The following PARD3B variants were observed in gnomAD, a reference collection of about 807,000 sequenced individuals.
The protein encoded by PARD3B is par-3 family cell polarity regulator beta, also known as partitioning defective 3 homolog B.
A neutral mutation model predicts 130.2 loss-of-function variants in PARD3B; 103 were observed. The ratio of observed to expected loss-of-function variants is 0.79; its 90% CI spans 0.67 to 0.93. The LOEUF is 0.93. PARD3B is among the 40% of genes least tolerant of loss of function. The probability of loss-of-function intolerance (pLI) is 0.00; values close to 1 mark genes in which losing one functional copy is unlikely to be tolerated. For synonymous variants in PARD3B, 583 were observed against 553.2 expected (o/e 1.05, Z -0.76); for missense variants, 1,609 against 1,499.2 (o/e 1.07, Z -1.21).
chr2:205,104,709 A>G (rs1042550371), intron 5 of PARD3B, among the ~76,000 whole-genome samples, 195 bp downstream of exon 5: 1 of 152,170 alleles, frequency 6.6e-6, no homozygotes, highest in African/African-American at 2.4e-5. Flanking sequence ...TGACAAACAT[A>G]TATACAAATG....
In PARD3B at chr2:205,352,412, A is replaced by G. The variant is rs1357880206; in HGVS notation, c.2631-48601A>G. ...GGTAACTAGTGACCTTGAAGGACTCAATTTTTAAGATAATTAACTTCACAG... is the reference window on the plus strand; with the variant it reads ...GGTAACTAGTGACCTTGAAGGACTCGATTTTTAAGATAATTAACTTCACAG... On this transcript the variant is annotated intron_variant, in intron 18 of 22. Coordinates refer to ENST00000406610, the MANE Select transcript of PARD3B (RefSeq NM_001302769.2). The surrounding 1 kb of genome is among the most constrained non-coding windows in gnomAD (Gnocchi z 5.2). 6.6e-6 allele frequency among the ~76,000 whole-genome samples: 1 copy of G among 152,172 alleles called. No homozygotes were observed. Among genetic ancestry groups the G allele is most frequent in the East Asian group, 1.9e-4 (1 of 5,194 alleles).
chr2:205,396,419 A>G (rs849229), intron 18 of PARD3B, among the ~76,000 whole-genome samples: 18,849 of 152,240 alleles, frequency 0.12, 1,260 homozygotes, highest in Middle Eastern at 0.17. Flanking sequence ...ATTTTTTGAA[A>G]GAGAGCGAGT....
chr2:205,542,873 G>T (rs1396665566), intron 21 of PARD3B, among the ~76,000 whole-genome samples: 1 of 152,156 alleles, frequency 6.6e-6, no homozygotes, highest in Non-Finnish European at 1.5e-5. Flanking sequence ...AATATGAAAA[G>T]CCAGGACTGT....
At chr2:204,590,607 C>G (rs555756741) in intron 1 of PARD3B, among the ~76,000 whole-genome samples, 3 of 152,148 alleles carry the variant, frequency 2.0e-5, no homozygotes, top group Non-Finnish European at 4.4e-5. Flanking sequence ...AGAAGGACCT[C>G]TTTGTCTTGT....
chr2:205,016,528 A>G (rs538871774), intron 3 of PARD3B, among the ~76,000 whole-genome samples: 50 of 152,308 alleles, frequency 3.3e-4, no homozygotes, highest in Middle Eastern at 3.4e-3. Flanking sequence ...TACCCATAGG[A>G]TCATTTCTTT....
At chr2:204,574,173 A>T (rs2032140856) in intron 1 of PARD3B, among the ~76,000 whole-genome samples, 1 of 152,046 alleles carries the variant, frequency 6.6e-6, no homozygotes, top group Non-Finnish European at 1.5e-5. Context: ...CTGTTTAAGA[A>T]CCATGATATC....
chr2:205,001,728 G>T (rs1398217235), intron 3 of PARD3B, among the ~76,000 whole-genome samples: 2 of 152,206 alleles, frequency 1.3e-5, no homozygotes, highest in Admixed American at 1.3e-4. Flanking sequence ...CATGTGCCAG[G>T]TGGCAGAAAA....
At chr2:204,933,253 A>G (rs980468561) in intron 2 of PARD3B, among the ~76,000 whole-genome samples, 28 of 152,316 alleles carry the variant, frequency 1.8e-4, no homozygotes, top group Admixed American at 8.5e-4. Context: ...AGAAACTCTC[A>G]AGGAAGAGTA....
At position 205,420,459 on chromosome 2, in the gene PARD3B, C is replaced by T. The variant is rs564192789; in HGVS notation, c.2741+19336C>T. On this transcript the variant is annotated intron_variant, in intron 19 of 22. Transcript: ENST00000406610. ...ATTAGAAAGTGGCAGAGCTCAGTTT[C>T]CATCCCAGGCTGTCTGGCTCCCTAC... Among the ~76,000 whole-genome samples, 7 of 152,256 alleles carry T rather than the reference C, an allele frequency of 4.6e-5. No homozygotes were observed. The South Asian group carries it at 1.5e-3, about 32-fold the overall frequency.
At chr2:205,324,967 C>G (rs1383352399) in intron 18 of PARD3B, among the ~76,000 whole-genome samples, 1 of 152,210 alleles carries the variant, frequency 6.6e-6, no homozygotes, top group Non-Finnish European at 1.5e-5. Context: ...TTTCTCTCAC[C>G]TGTGAAGACC....
chr2:205,382,970 C>T (rs1389700189), intron 18 of PARD3B, among the ~76,000 whole-genome samples: 2 of 151,904 alleles, frequency 1.3e-5, no homozygotes, highest in African/African-American at 4.8e-5. Context: ...ACCACTTCTC[C>T]GAGGAAGTCT....
intron 2 of PARD3B, among the ~76,000 whole-genome samples, chr2:204,858,368 A>C (rs182502576): frequency 9.9e-4 from 150 of 152,202 alleles, no homozygotes; most frequent in Admixed American, 2.3e-3. Flanking sequence ...ATAGAATATT[A>C]TTCAGCCTTT....
At chr2:205,025,866 A>G (rs1696984241) in intron 3 of PARD3B, among the ~76,000 whole-genome samples, 1 of 152,110 alleles carries the variant, frequency 6.6e-6, no homozygotes, top group South Asian at 2.1e-4. Context: ...AGCAACCTGT[A>G]TTTCTGATTT....
chr2:205,183,505 A>T lies in PARD3B; in HGVS notation c.1925-2259A>T, dbSNP rs561963820. 1.3e-5 allele frequency among the ~76,000 whole-genome samples: 2 copies of T among 151,980 alleles called. No homozygotes were observed. Among genetic ancestry groups the T allele is most frequent in the Non-Finnish European group, 2.9e-5 (2 of 67,992 alleles). On this transcript the variant is annotated intron_variant, in intron 13 of 22. Transcript: ENST00000406610. The surrounding 1 kb of genome is among the most constrained non-coding windows in gnomAD (Gnocchi z 5.2). ...GACTGCTGCCACCACTAACAAATCA[A>T]TGGGCCCCTAGGGTTGGAGGTGGTG...
In PARD3B at chr2:204,799,797, A is replaced by G. The variant is rs1054158163; in HGVS notation, c.222+113515A>G. Among the ~76,000 whole-genome samples the G allele has an allele frequency of 2.0e-5, 3 of 152,152 alleles. No individual in the cohort carries two copies. The highest frequency in any genetic ancestry group is 4.8e-5 in the African/African-American group (2 of 41,402). ...GTACCTGTACAAGTCTGCAAAAGCC[A>G]TAGTATTATTGGACTGAGGGTTCCC... is the stretch of plus-strand genomic sequence containing the variant. On this transcript the variant is annotated intron_variant, in intron 2 of 22. Transcript: ENST00000406610. The surrounding 1 kb of genome is among the most constrained non-coding windows in gnomAD (Gnocchi z 4.1).
intron 2 of PARD3B, among the ~76,000 whole-genome samples, chr2:204,802,544 A>G (rs750869184): frequency 1.3e-5 from 2 of 152,228 alleles, no homozygotes; most frequent in Non-Finnish European, 2.9e-5. Context: ...ATGCACATGT[A>G]TGTCTATTGC....
At chr2:205,032,185 C>T (rs73054975) in intron 3 of PARD3B, among the ~76,000 whole-genome samples, 1,688 of 151,848 alleles carry the variant, frequency 0.011, 30 homozygotes, top group African/African-American at 0.038. Context: ...AATAATAATC[C>T]GTGGATCATT....
chr2:205,464,596 A>G (rs999807908), intron 20 of PARD3B, among the ~76,000 whole-genome samples: 25 of 152,194 alleles, frequency 1.6e-4, no homozygotes, highest in Admixed American at 3.3e-4. Context: ...TACCTATTGA[A>G]AAAATATTAG....
At position 205,597,387 on chromosome 2, in the gene PARD3B, A is replaced by G. The variant is rs577522829; in HGVS notation, c.3261-18069A>G. 2.6e-5 allele frequency among the ~76,000 whole-genome samples: 4 copies of G among 152,274 alleles called. No individual in the cohort carries two copies. The South Asian group carries it at 8.3e-4, about 32-fold the overall frequency. On this transcript the variant is annotated intron_variant, in intron 22 of 22. Coordinates refer to ENST00000406610, the MANE Select transcript of PARD3B (RefSeq NM_001302769.2). ...TTTTTTTATGGCTGCATGATATTCC[A>G]TGGTGTATATGTACCACATTTTCTT... is the stretch of plus-strand genomic sequence containing the variant.
Sources: allele counts gnomAD v4.1 joint callset (sites outside exome capture counted in the v4.1 genomes callset), GRCh38; gene constraint gnomAD v4.1.1; non-coding constraint Gnocchi (gnomAD v3.1); transcripts MANE v1.5; gene names NCBI Gene and HGNC (gene_info 2026-07-23, HGNC 2026-07-21).